The following WNT2 variants were observed in gnomAD, a reference collection of about 807,000 sequenced individuals.
The protein encoded by WNT2 is protein Wnt-2.
Under a neutral mutation model 36.9 loss-of-function variants are expected in WNT2, and 12 were observed. The observed-to-expected ratio is 0.33, with a 90% CI of 0.21 to 0.53. The LOEUF is 0.53. Among genes scored for constraint, WNT2 ranks in the 20% least tolerant of loss-of-function variants. The probability of loss-of-function intolerance (pLI) is 0.95; values close to 1 mark genes in which losing one functional copy is unlikely to be tolerated. For missense variants in WNT2, 379 were observed against 473.1 expected, an observed-to-expected ratio of 0.80 and a Z score of 1.84; for synonymous variants, 163 against 174.6, an observed-to-expected ratio of 0.93 and a Z score of 0.52.
chr7:117,295,430 A>G (rs1398729074), intron 4 of WNT2, among the ~76,000 whole-genome samples: 2 of 152,264 alleles, frequency 1.3e-5, no homozygotes, highest in African/African-American at 2.4e-5. Context: ...CGGAGTACGC[A>G]AGAATAACTT....
chr7:117,303,643 G>A (rs962660557), intron 3 of WNT2, among the ~76,000 whole-genome samples: 1 of 152,194 alleles, frequency 6.6e-6, no homozygotes, highest in African/African-American at 2.4e-5. Flanking sequence ...AGTGACTAAA[G>A]TCGAGGACCT....
chr7:117,319,985 G>A (rs900219300), intron 2 of WNT2, among the ~76,000 whole-genome samples: 2 of 152,204 alleles, frequency 1.3e-5, no homozygotes, highest in African/African-American at 4.8e-5. Context: ...ATATAGGTTA[G>A]TTTCTGCCCT....
In WNT2 at chr7:117,302,651, T is replaced by A. The variant is rs562104415; in HGVS notation, c.589-4775A>T. 3.3e-5 allele frequency among the ~76,000 whole-genome samples: 5 copies of A among 152,262 alleles called. No homozygotes were observed. The South Asian group carries it at 1.0e-3, about 32-fold the overall frequency. On this transcript the variant is annotated intron_variant, in intron 3 of 4. Transcript: ENST00000265441. Reference sequence around the variant, plus strand: ...TTGCATAATTAGTAACAGCAAAATATGAGGAAAAACCCAAATGACATCAGT... The same window carrying A: ...TTGCATAATTAGTAACAGCAAAATAAGAGGAAAAACCCAAATGACATCAGT...
At chr7:117,304,961 G>A (rs1794988720) in intron 3 of WNT2, among the ~76,000 whole-genome samples, 1 of 152,142 alleles carries the variant, frequency 6.6e-6, no homozygotes, top group Non-Finnish European at 1.5e-5. Context: ...GGAAGGAGCA[G>A]GGCTTGTGTG....
Position 117,278,311 on chromosome 7 carries a change from A to G in WNT2, c.927T>C (p.Cys309=), listed in dbSNP as rs201562359. Residue 309 remains cysteine, a synonymous_variant, in exon 5 of 5, where the codon TGT becomes TGC. Transcript: ENST00000265441. ...RGMDSCEVMC[C]GRGYDTSHVT... ...CATGGGAGGTGTCGTAGCCTCTCCCACAGCACATGACTTCACAGCTGTCCA... is the reference window on the plus strand; with the variant it reads ...CATGGGAGGTGTCGTAGCCTCTCCCGCAGCACATGACTTCACAGCTGTCCA... The G allele has an allele frequency of 6.2e-7, 1 of 1,614,254 alleles. No homozygotes were observed. The highest frequency in any genetic ancestry group is 2.2e-5 in the East Asian group (1 of 44,876).
intron 4 of WNT2, among the ~76,000 whole-genome samples, chr7:117,279,293 A>G (rs537147314): frequency 1.3e-5 from 2 of 152,308 alleles, no homozygotes; most frequent in South Asian, 4.2e-4. Flanking sequence ...CATTGTAGAC[A>G]TTTTGGGAGA....
At chr7:117,315,026 T>A (rs779636083) in intron 3 of WNT2, 45 bp downstream of exon 3, 2 of 1,598,124 alleles carry the variant, frequency 1.3e-6, no homozygotes, top group South Asian at 2.3e-5. Context: ...AAGTGGTTTA[T>A]AAAGCCATGC....
At chr7:117,300,644 GA>G (rs1465022058) in intron 3 of WNT2, among the ~76,000 whole-genome samples, 1 of 152,054 alleles carries the variant, frequency 6.6e-6, no homozygotes, top group African/African-American at 2.4e-5. Context: ...TACAAAAAAA[GA>G]AAAAACTAGC....
chr7:117,278,033 G>A lies in WNT2; in HGVS notation c.*122C>T, dbSNP rs1017758587. ...CCCCAGGGAGGAAGAGGGGGCTTCC[G>A]TTGAGATAAAGGCCACATGCCTTAG... On this transcript the variant is annotated 3_prime_UTR_variant, in exon 5 of 5. Coordinates refer to ENST00000265441, the MANE Select transcript of WNT2 (RefSeq NM_003391.3). 39 of 1,174,214 alleles carry A rather than the reference G, an allele frequency of 3.3e-5. No individual in the cohort carries two copies. Among genetic ancestry groups the A allele is most frequent in the Admixed American group, 2.1e-4 (9 of 42,786 alleles). 72.7% of individuals were successfully genotyped at this position (1,174,214 alleles called of 1,614,324 possible).
At chr7:117,311,564 T>C (rs1328541793) in intron 3 of WNT2, among the ~76,000 whole-genome samples, 3 of 152,200 alleles carry the variant, frequency 2.0e-5, no homozygotes, top group African/African-American at 7.2e-5. Flanking sequence ...TTATAAAACA[T>C]TTGACAGTAT....
intron 2 of WNT2, among the ~76,000 whole-genome samples, chr7:117,319,949 A>C (rs1584698797): frequency 6.6e-6 from 1 of 152,210 alleles, no homozygotes; most frequent in African/African-American, 2.4e-5. Context: ...CCTGCAATAC[A>C]CAAGGCACCA....
intron 4 of WNT2, among the ~76,000 whole-genome samples, chr7:117,286,417 C>G (rs1240776501): frequency 6.6e-6 from 1 of 151,990 alleles, no homozygotes; most frequent in African/African-American, 2.4e-5. Context: ...CTTTCTCTCT[C>G]TCTCCCCGCC....
chr7:117,320,424 T>C (rs1023338347), intron 2 of WNT2, 143 bp downstream of exon 2: 3 of 795,118 alleles, frequency 3.8e-6, no homozygotes, highest in African/African-American at 3.4e-5. Context: ...TCCTCACCTG[T>C]AGAACAGGGA....
chr7:117,280,193 C>A (rs545258705), intron 4 of WNT2, among the ~76,000 whole-genome samples: 20 of 152,264 alleles, frequency 1.3e-4, no homozygotes, highest in African/African-American at 4.8e-4. Flanking sequence ...CCAGGGATGG[C>A]TCCGAGCCTG....
chr7:117,320,867 T>A, intron 1 of WNT2, 74 bp from the exon 2 acceptor site: 1 of 1,312,152 alleles, frequency 7.6e-7, no homozygotes, highest in Non-Finnish European at 1.1e-6. Flanking sequence ...CCTGGGAGAC[T>A]AAGGAGTTCA....
chr7:117,283,837 G>A (rs1056756890), intron 4 of WNT2, among the ~76,000 whole-genome samples: 3 of 152,156 alleles, frequency 2.0e-5, no homozygotes, highest in African/African-American at 7.2e-5. Context: ...ACTCTCCACC[G>A]GCTGCCCAAA....
At chr7:117,297,921 G>A (rs1794825642) in intron 3 of WNT2, 45 bp from the exon 4 acceptor site, 1 of 1,568,576 alleles carries the variant, frequency 6.4e-7, no homozygotes, top group Non-Finnish European at 8.7e-7. Context: ...TCGAGCAGGT[G>A]ACACATGCTC....
At chr7:117,293,132 A>C (rs1027034781) in intron 4 of WNT2, among the ~76,000 whole-genome samples, 2 of 152,234 alleles carry the variant, frequency 1.3e-5, no homozygotes, top group Non-Finnish European at 2.9e-5. Flanking sequence ...ATGATGAAAA[A>C]CAGAGAAACT....
intron 3 of WNT2, among the ~76,000 whole-genome samples, chr7:117,299,100 T>C (rs1028286635): frequency 2.0e-5 from 3 of 152,246 alleles, no homozygotes; most frequent in Non-Finnish European, 2.9e-5. Context: ...TACAGGGACC[T>C]GGGCATCTTT....
Sources: allele counts gnomAD v4.1 joint callset (sites outside exome capture counted in the v4.1 genomes callset), GRCh38; gene constraint gnomAD v4.1.1; transcripts MANE v1.5; gene names NCBI Gene and HGNC (gene_info 2026-07-23, HGNC 2026-07-21).